CALCOCO2: variants seen among roughly 807,000 people sequenced by gnomAD.
The protein encoded by CALCOCO2 is calcium binding and coiled-coil domain 2, also known as calcium-binding and coiled-coil domain-containing protein 2.
Under a neutral mutation model 62.5 loss-of-function variants are expected in CALCOCO2, and 42 were observed. The observed-to-expected ratio is 0.67, with a 90% CI of 0.53 to 0.87. The LOEUF is 0.87. CALCOCO2 is among the 40% of genes least tolerant of loss of function. CALCOCO2 has a pLI of 0.00. For missense variants in CALCOCO2, 456 were observed against 515.0 expected (o/e 0.89, Z 1.11); for synonymous variants, 167 against 173.0 (o/e 0.97, Z 0.27).
chr17:48,852,839 G>C, intron 8 of CALCOCO2, 87 bp from the exon 9 acceptor site: 2 of 1,083,530 alleles, frequency 1.8e-6, no homozygotes, highest in Admixed American at 3.6e-5. Flanking sequence ...CATCCTGCTT[G>C]CTCATTAGCT....
At position 48,865,051 on chromosome 17, in the gene CALCOCO2, A is replaced by C. The variant is rs922286841; in HGVS notation, c.*2046A>C. On this transcript the variant is annotated 3_prime_UTR_variant, in exon 13 of 13. Transcript: ENST00000258947. Reference sequence around the variant, plus strand: ...CCACCCCTTTGCCCCTGCTACCCCGAGGGTTACCATGATTGTCAACAGCAG... The same window carrying C: ...CCACCCCTTTGCCCCTGCTACCCCGCGGGTTACCATGATTGTCAACAGCAG... 15 of 152,108 alleles carry C rather than the reference A, an allele frequency of 9.9e-5. No individual in the cohort carries two copies. Among genetic ancestry groups the C allele is most frequent in the African/African-American group, 3.6e-4 (15 of 41,422 alleles). 9.4% of individuals were successfully genotyped at this position (152,108 alleles called of 1,614,324 possible).
rs534937285 is a variant in CALCOCO2, at chr17:48,845,728, C to CA, written c.181-2320dup. On this transcript the variant is annotated intron_variant, in intron 2 of 12. Coordinates refer to ENST00000258947, the MANE Select transcript of CALCOCO2 (RefSeq NM_005831.5). ...TGGGCAACAGAGCGAGACTCCATCT[C>CA]AAAAAAAAAAAAAAAAGAAAAGAAA... Among the ~76,000 whole-genome samples, 1,053 of 107,764 alleles carry CA rather than the reference C, an allele frequency of 9.8e-3. 8 individuals are homozygous for CA. Among genetic ancestry groups the CA allele is most frequent in the African/African-American group, 0.021 (611 of 28,540 alleles). The allele number at this position is 107,764 out of a possible 152,430, so 70.7% of individuals were successfully genotyped here.
At chr17:48,861,435 C>T (rs1028246508) in intron 11 of CALCOCO2, among the ~76,000 whole-genome samples, 1 of 151,862 alleles carries the variant, frequency 6.6e-6, no homozygotes, top group East Asian at 1.9e-4. Context: ...AGGCCGGTTT[C>T]GAACTCCTGA....
chr17:48,841,539 A>T (rs1048349914), intron 1 of CALCOCO2, 159 bp from the exon 2 acceptor site: 4 of 496,206 alleles, frequency 8.1e-6, no homozygotes, highest in Admixed American at 7.8e-5. Flanking sequence ...AGATGGCTCG[A>T]AGTGAAACAG....
chr17:48,841,666 T>A, intron 1 of CALCOCO2, 32 bp from the exon 2 acceptor site: 1 of 1,442,484 alleles, frequency 6.9e-7, no homozygotes, highest in East Asian at 2.4e-5. Flanking sequence ...CAATGCTTTC[T>A]GAGCCTTACT....
Position 48,848,259 on chromosome 17 carries a change from T to C in CALCOCO2, c.284-63T>C. On this transcript the variant is annotated intron_variant, in intron 3 of 12. Coordinates refer to ENST00000258947, the MANE Select transcript of CALCOCO2 (RefSeq NM_005831.5). ...AGCTTTCTGGGGCAGATAAAAAGAT[T>C]TCCAGAATTTTACTTTTCTGAATAG... 5 of 1,570,536 alleles carry C rather than the reference T, an allele frequency of 3.2e-6. No homozygotes were observed. In the South Asian group the frequency reaches 5.6e-5, roughly 18 times the overall value.
At chr17:48,846,801 GTTCTC>G (rs1437724507) in intron 2 of CALCOCO2, among the ~76,000 whole-genome samples, 4 of 152,120 alleles carry the variant, frequency 2.6e-5, no homozygotes. Flanking sequence ...TTTATTTTTA[GTTCTC>G]TTCTTACTGA....
At chr17:48,858,701 G>C (rs900575302) in intron 10 of CALCOCO2, among the ~76,000 whole-genome samples, 3 of 151,876 alleles carry the variant, frequency 2.0e-5, no homozygotes, top group East Asian at 1.9e-4. Context: ...ATTGTGGGGG[G>C]GGGCAGGTGC....
At chr17:48,849,827 T>C (rs2040102577) in intron 5 of CALCOCO2, among the ~76,000 whole-genome samples, 1 of 152,016 alleles carries the variant, frequency 6.6e-6, no homozygotes, top group Admixed American at 6.6e-5. Context: ...TAATTGTTCA[T>C]ATGTTGAAAT....
intron 1 of CALCOCO2, among the ~76,000 whole-genome samples, chr17:48,840,301 T>A (rs1238755819): frequency 1.3e-5 from 2 of 152,038 alleles, no homozygotes; most frequent in African/African-American, 4.8e-5. Context: ...AGCTAATTTT[T>A]GTAGTTTTCT....
intron 1 of CALCOCO2, chr17:48,832,018 A>C (rs918084851): frequency 6.6e-6 from 1 of 152,238 alleles, no homozygotes; most frequent in Non-Finnish European, 1.5e-5. Flanking sequence ...TGAAAAAGGT[A>C]GTCGATAATC....
At chr17:48,858,609 C>A (rs1287528463) in intron 10 of CALCOCO2, among the ~76,000 whole-genome samples, 1 of 151,998 alleles carries the variant, frequency 6.6e-6, no homozygotes, top group Non-Finnish European at 1.5e-5. Flanking sequence ...GGATTACAGG[C>A]ATAAGCCACT....
At chr17:48,845,931 G>A in intron 2 of CALCOCO2, 1 of 502,598 alleles carries the variant, frequency 2.0e-6, no homozygotes, top group South Asian at 3.0e-5. Context: ...CTACTCTGCT[G>A]AATTCCTTTG....
At chr17:48,849,050 TG>T (rs1282972192) in intron 4 of CALCOCO2, among the ~76,000 whole-genome samples, 11 of 152,244 alleles carry the variant, frequency 7.2e-5, no homozygotes, top group African/African-American at 2.7e-4. Context: ...ATATAATTTT[TG>T]CTTGCCTTTC....
In CALCOCO2 at chr17:48,863,048, G is replaced by A. The variant is rs763207480; in HGVS notation, c.*43G>A. 7.1e-7 allele frequency: 1 copy of A among 1,400,908 alleles called. No individual in the cohort carries two copies. Among genetic ancestry groups the A allele is most frequent in the Admixed American group, 1.7e-5 (1 of 59,668 alleles). 86.8% of individuals were successfully genotyped at this position (1,400,908 alleles called of 1,614,324 possible). On this transcript the variant is annotated 3_prime_UTR_variant, in exon 13 of 13. Transcript: ENST00000258947. ...ATGTATACAGAGATTTTATAGAATA[G>A]AACCTATAGCTTCTACCATGAGTTA... is the stretch of plus-strand genomic sequence containing the variant.
chr17:48,858,058 A>ATAGAG lies in CALCOCO2; in HGVS notation c.1008+1875_1008+1876insGTAGA. Among the ~76,000 whole-genome samples, 2 of 143,302 alleles carry ATAGAG rather than the reference A, an allele frequency of 1.4e-5. 1 individual carries two copies. Among genetic ancestry groups the ATAGAG allele is most frequent in the Non-Finnish European group, 3.1e-5 (2 of 65,416 alleles). The allele number at this position is 143,302 out of a possible 152,430, so 94.0% of individuals were successfully genotyped here. On this transcript the variant is annotated intron_variant, in intron 10 of 12. Coordinates refer to ENST00000258947, the MANE Select transcript of CALCOCO2 (RefSeq NM_005831.5). ...AGAATAGAATAGAAAATAGAATAGA[A>ATAGAG]TAGAATAGAATAGAATTTTACCATC...
chr17:48,857,198 C>CTT (rs34508915), intron 10 of CALCOCO2, among the ~76,000 whole-genome samples: 6 of 128,138 alleles, frequency 4.7e-5, no homozygotes, highest in African/African-American at 1.5e-4. Context: ...CATCTTTACC[C>CTT]TTTTTTTTTT....
intron 1 of CALCOCO2, among the ~76,000 whole-genome samples, chr17:48,837,379 T>C (rs893006625): frequency 6.6e-6 from 1 of 152,020 alleles, no homozygotes; most frequent in South Asian, 2.1e-4. Context: ...GCATGGTGGC[T>C]CATGCCTGTA....
chr17:48,839,728 G>A (rs1178802195), intron 1 of CALCOCO2, among the ~76,000 whole-genome samples: 1 of 128,160 alleles, frequency 7.8e-6, no homozygotes, highest in Non-Finnish European at 1.6e-5. Flanking sequence ...CCAGGCTAGA[G>A]TGCAGTGGCA....
Sources: allele counts gnomAD v4.1 joint callset (sites outside exome capture counted in the v4.1 genomes callset), GRCh38; gene constraint gnomAD v4.1.1; transcripts MANE v1.5; gene names NCBI Gene and HGNC (gene_info 2026-07-23, HGNC 2026-07-21).